MRPS27: variants seen among roughly 807,000 people sequenced by gnomAD.
MRPS27 encodes the protein mitochondrial ribosomal protein S27, also known as small ribosomal subunit protein mS27.
MRPS27 carries 43 observed loss-of-function variants against 48.9 expected under a neutral mutation model. That is an observed-to-expected ratio of 0.88 (90% CI 0.69 to 1.13). MRPS27 has a LOEUF of 1.13. MRPS27 is among the 50% of genes most tolerant of loss of function. MRPS27 has a pLI of 0.00. For missense variants in MRPS27, 467 were observed against 476.3 expected, an observed-to-expected ratio of 0.98 and a Z score of 0.18; for synonymous variants, 188 against 171.9, an observed-to-expected ratio of 1.09 and a Z score of -0.73.
intron 8 of MRPS27, chr5:72,227,538 T>G (rs1245208430): frequency 6.6e-6 from 1 of 152,186 alleles, no homozygotes; most frequent in Non-Finnish European, 1.5e-5. Context: ...CAATGTATAA[T>G]TGAGAGATGC....
At chr5:72,289,356 T>C (rs1362134376) in intron 4 of MRPS27, among the ~76,000 whole-genome samples, 1 of 152,180 alleles carries the variant, frequency 6.6e-6, no homozygotes, top group Non-Finnish European at 1.5e-5. Flanking sequence ...CTTTTCTTAT[T>C]GTATAACAAT....
intron 4 of MRPS27, among the ~76,000 whole-genome samples, chr5:72,242,537 A>T (rs973846584): frequency 6.9e-6 from 1 of 144,240 alleles, no homozygotes; most frequent in African/African-American, 2.5e-5. Flanking sequence ...TCATTTAATT[A>T]AAAAAAAAAA....
intron 4 of MRPS27, among the ~76,000 whole-genome samples, chr5:72,249,983 C>CAAAAACA (rs1748616292): frequency 6.6e-6 from 1 of 151,664 alleles, no homozygotes. Context: ...GACTCCATCT[C>CAAAAACA]AAAAACAAAA....
chr5:72,285,136 C>CCCTCTCT (rs1402506468), intron 4 of MRPS27, among the ~76,000 whole-genome samples: 3 of 152,122 alleles, frequency 2.0e-5, no homozygotes, highest in Non-Finnish European at 4.4e-5. Flanking sequence ...ACATTCTATT[C>CCCTCTCT]CCTCTCTAAT....
chr5:72,294,270 A>T (rs1462653813), intron 4 of MRPS27, among the ~76,000 whole-genome samples: 1 of 152,108 alleles, frequency 6.6e-6, no homozygotes, highest in Non-Finnish European at 1.5e-5. Flanking sequence ...AGTAAGCTTT[A>T]AAAAATGCAT....
chr5:72,283,469 G>A (rs934909259), intron 4 of MRPS27, among the ~76,000 whole-genome samples: 1 of 152,156 alleles, frequency 6.6e-6, no homozygotes, highest in Non-Finnish European at 1.5e-5. Flanking sequence ...TCCACAGCTG[G>A]AGCTTGGACT....
chr5:72,253,030 C>CA (rs1202229850), intron 4 of MRPS27, among the ~76,000 whole-genome samples: 1 of 152,160 alleles, frequency 6.6e-6, no homozygotes, highest in African/African-American at 2.4e-5. Flanking sequence ...GAAGACTTCC[C>CA]GTCAATCCTC....
intron 4 of MRPS27, among the ~76,000 whole-genome samples, chr5:72,262,421 C>T (rs1345689022): frequency 2.6e-5 from 4 of 152,028 alleles, no homozygotes; most frequent in Non-Finnish European, 5.9e-5. Flanking sequence ...CCCAAACAAA[C>T]CCAGAAAAAG....
chr5:72,278,844 T>C (rs1749457205), intron 4 of MRPS27, among the ~76,000 whole-genome samples: 1 of 152,248 alleles, frequency 6.6e-6, no homozygotes, highest in South Asian at 2.1e-4. Flanking sequence ...CTCACTGTTG[T>C]ATGGTATTCC....
At chr5:72,291,285 A>C (rs1203979141) in intron 4 of MRPS27, among the ~76,000 whole-genome samples, 2 of 152,236 alleles carry the variant, frequency 1.3e-5, no homozygotes, top group Non-Finnish European at 2.9e-5. Context: ...GTCTAAGCAA[A>C]AGAACCTATT....
intron 4 of MRPS27, among the ~76,000 whole-genome samples, chr5:72,244,532 G>C (rs1274699877): frequency 6.6e-6 from 1 of 152,154 alleles, no homozygotes; most frequent in Non-Finnish European, 1.5e-5. Flanking sequence ...CCTGCTCTCT[G>C]ATCTGCCTGC....
At chr5:72,244,134 T>C (rs932878987) in intron 4 of MRPS27, among the ~76,000 whole-genome samples, 2 of 152,106 alleles carry the variant, frequency 1.3e-5, no homozygotes, top group Admixed American at 6.6e-5. Flanking sequence ...AGCTTGTGAG[T>C]AGTTTTTTTT....
intron 4 of MRPS27, among the ~76,000 whole-genome samples, chr5:72,273,824 A>G (rs1019383874): frequency 3.3e-5 from 5 of 152,212 alleles, no homozygotes; most frequent in African/African-American, 1.2e-4. Context: ...TTTAGGCTAC[A>G]CTAAATTTAT....
intron 9 of MRPS27, 150 bp from the exon 10 acceptor site, chr5:72,224,000 G>T: frequency 1.2e-6 from 1 of 846,124 alleles, no homozygotes; most frequent in Non-Finnish European, 1.8e-6. Context: ...AATATAAATG[G>T]TTATATTTTT....
rs1020706725 is a variant in MRPS27, at chr5:72,255,032, T to C, written c.282-16904A>G. On this transcript the variant is annotated intron_variant, in intron 4 of 10. Coordinates refer to ENST00000261413, the MANE Select transcript of MRPS27 (RefSeq NM_015084.3). ...TAAAATGTAACACATTTCTTTTCTT[T>C]TTTTTTTTTTTTTTTTTTTTTTTTG... 2.4e-3 allele frequency among the ~76,000 whole-genome samples: 245 copies of C among 101,482 alleles called. 1 individual carries two copies. Among genetic ancestry groups the C allele is most frequent in the Non-Finnish European group, 3.4e-3 (197 of 57,606 alleles). 66.6% of individuals were successfully genotyped at this position (101,482 alleles called of 152,430 possible). A position where few individuals can be genotyped will look rare whatever the true frequency, so the allele number is the denominator to read the frequency against.
intron 4 of MRPS27, among the ~76,000 whole-genome samples, chr5:72,245,904 C>G (rs1339547956): frequency 6.6e-6 from 1 of 152,190 alleles, no homozygotes; most frequent in Non-Finnish European, 1.5e-5. Context: ...TTTAAACATT[C>G]TGATTCTCTA....
At chr5:72,317,405 G>A (rs747943311) in intron 1 of MRPS27, among the ~76,000 whole-genome samples, 11 of 152,100 alleles carry the variant, frequency 7.2e-5, no homozygotes, top group East Asian at 1.9e-4. Context: ...ATGGAGTTTC[G>A]CTCTTGTTGC....
chr5:72,273,026 A>C (rs1390116804), intron 4 of MRPS27, among the ~76,000 whole-genome samples: 2 of 152,184 alleles, frequency 1.3e-5, no homozygotes. Flanking sequence ...ATAGTAATAA[A>C]TTTATTATTT....
chr5:72,314,013 T>C (rs1370959992), intron 2 of MRPS27, 68 bp downstream of exon 2: 3 of 1,111,702 alleles, frequency 2.7e-6, no homozygotes, highest in East Asian at 2.4e-5. Context: ...ATACGTTATA[T>C]GAATAAATGA....
Sources: gnomAD v4.1 joint callset for allele counts (sites outside exome capture counted in the v4.1 genomes callset) on GRCh38, gnomAD v4.1.1 for gene constraint, MANE v1.5 for transcripts, NCBI Gene and HGNC (gene_info 2026-07-23, HGNC 2026-07-21) for gene names.